Variants in C3orf20 observed in about 807,000 individuals in gnomAD.
The protein encoded by C3orf20 is uncharacterized protein C3orf20.
A neutral mutation model predicts 88.3 loss-of-function variants in C3orf20; 76 were observed. The observed-to-expected ratio is 0.86, with a 90% confidence interval of 0.72 to 1.04. C3orf20 has a LOEUF of 1.04. Ranked by LOEUF, C3orf20 falls within the 50% of genes least tolerant of loss-of-function variation. The probability of loss-of-function intolerance (pLI) is 0.00; values close to 1 mark genes in which losing one functional copy is unlikely to be tolerated. For synonymous variants in C3orf20, 436 were observed against 437.4 expected, an observed-to-expected ratio of 1.00 and a Z score of 0.04; for missense variants, 1,056 against 1,123.3, an observed-to-expected ratio of 0.94 and a Z score of 0.86.
intron 12 of C3orf20, among the ~76,000 whole-genome samples, chr3:14,752,583 A>G (rs927438095): frequency 6.6e-6 from 1 of 152,328 alleles, no homozygotes; most frequent in African/African-American, 2.4e-5. Context: ...TTTGCAATCT[A>G]TCCATCTGAC....
intron 8 of C3orf20, 61 bp from the exon 9 acceptor site, chr3:14,715,228 C>A (rs750071362): frequency 1.3e-6 from 2 of 1,581,088 alleles, no homozygotes; most frequent in Non-Finnish European, 1.7e-6. Flanking sequence ...CCATAACCTG[C>A]GGTGATGAGA....
At chr3:14,713,756 G>C (rs12631431) in intron 7 of C3orf20, among the ~76,000 whole-genome samples, 13,536 of 152,266 alleles carry the variant, frequency 0.089, 708 homozygotes, top group Middle Eastern at 0.19. Context: ...CTACTCATCT[G>C]TGAGAGGAAG....
At chr3:14,676,524 T>C (rs2031780582) in intron 1 of C3orf20, among the ~76,000 whole-genome samples, 2 of 152,234 alleles carry the variant, frequency 1.3e-5, no homozygotes, top group Admixed American at 1.3e-4. Context: ...CAGCTTAATG[T>C]ACATCATTAT....
intron 4 of C3orf20, among the ~76,000 whole-genome samples, chr3:14,685,723 T>C (rs571024606): frequency 9.9e-5 from 15 of 152,210 alleles, no homozygotes; most frequent in African/African-American, 3.1e-4. Context: ...CTTCTATGAG[T>C]TTGAGTTTGA....
chr3:14,740,609 A>G (rs2034872518), intron 12 of C3orf20, among the ~76,000 whole-genome samples: 2 of 152,236 alleles, frequency 1.3e-5, no homozygotes, highest in Non-Finnish European at 2.9e-5. Flanking sequence ...AAAAAAACAC[A>G]GTATCTGCAA....
At chr3:14,720,223 G>T (rs13327087) in intron 9 of C3orf20, among the ~76,000 whole-genome samples, 23,972 of 151,974 alleles carry the variant, frequency 0.16, 2,153 homozygotes, top group Non-Finnish European at 0.2. Context: ...GTAGAGACGG[G>T]GTTTCACCGT....
intron 12 of C3orf20, among the ~76,000 whole-genome samples, chr3:14,756,823 T>C (rs1189912761): frequency 6.6e-6 from 1 of 152,214 alleles, no homozygotes; most frequent in Non-Finnish European, 1.5e-5. Context: ...GCTTTTATTC[T>C]GTAAAAGGTA....
chr3:14,676,418 G>A (rs936036323), intron 1 of C3orf20, among the ~76,000 whole-genome samples: 3 of 152,174 alleles, frequency 2.0e-5, no homozygotes, highest in South Asian at 2.1e-4. Context: ...TCCATGGAAT[G>A]TGTAATCAGT....
chr3:14,731,541 C>A (rs1216762220), intron 12 of C3orf20, among the ~76,000 whole-genome samples: 1 of 152,192 alleles, frequency 6.6e-6, no homozygotes, highest in Non-Finnish European at 1.5e-5. Context: ...AGAGGACACA[C>A]CTAGCATGCT....
At chr3:14,722,699 A>G (rs2034209177) in intron 10 of C3orf20, 1 of 414,530 alleles carries the variant, frequency 2.4e-6, no homozygotes, top group Admixed American at 2.7e-5. Flanking sequence ...CTGTTGTCCC[A>G]GGGCCCAGCA....
In C3orf20 at chr3:14,772,071, C is replaced by G. The variant is rs191471583; in HGVS notation, c.2500C>G (p.Pro834Ala). ...CCGACCCTGCCTCCCCTGCAGTGTTCCCAACTCTGTCCTGAGCCTGGAGGA... is the reference window on the plus strand; with the variant it reads ...CCGACCCTGCCTCCCCTGCAGTGTTGCCAACTCTGTCCTGAGCCTGGAGGA... Reference protein sequence around the residue: ...FLPDDYKFSVPNSVLSLEDSE... With the variant: ...FLPDDYKFSVANSVLSLEDSE... Residue 834 changes from proline (P) to alanine (A), a missense_variant, in exon 16 of 17, where the codon CCC (proline) becomes GCC (alanine). Pro to Ala is a conservative substitution (Grantham distance 27, BLOSUM62 -1). Transcript: ENST00000253697. The surrounding 1 kb of genome is among the most constrained non-coding windows in gnomAD (Gnocchi z 4.2). 8.1e-6 allele frequency: 13 copies of G among 1,614,184 alleles called. No homozygotes were observed. The highest frequency in any genetic ancestry group is 1.7e-4 in the Middle Eastern group (1 of 6,060).
At chr3:14,690,807 G>A (rs2032692098) in intron 5 of C3orf20, among the ~76,000 whole-genome samples, 1 of 152,238 alleles carries the variant, frequency 6.6e-6, no homozygotes, top group East Asian at 1.9e-4. Context: ...GTAGGTAGGA[G>A]AGGACCACGT....
intron 12 of C3orf20, among the ~76,000 whole-genome samples, chr3:14,740,507 G>A (rs1308999069): frequency 2.0e-5 from 3 of 152,276 alleles, no homozygotes; most frequent in Middle Eastern, 3.4e-3. Flanking sequence ...ATTACCAAAT[G>A]TGACACAGAG....
chr3:14,676,078 C>G (rs139493079), intron 1 of C3orf20, among the ~76,000 whole-genome samples: 29 of 151,616 alleles, frequency 1.9e-4, no homozygotes, highest in African/African-American at 6.5e-4. Flanking sequence ...TAAGCATTTT[C>G]TGTGGGGTGT....
At chr3:14,694,733 G>T (rs565722285) in intron 5 of C3orf20, among the ~76,000 whole-genome samples, 52 of 151,012 alleles carry the variant, frequency 3.4e-4, no homozygotes, top group African/African-American at 8.5e-4. Flanking sequence ...TTTGTGTTTG[G>T]TTTGCTCTTG....
At chr3:14,754,568 T>C (rs1471030916) in intron 12 of C3orf20, among the ~76,000 whole-genome samples, 4 of 152,202 alleles carry the variant, frequency 2.6e-5, no homozygotes, top group Admixed American at 2.6e-4. Flanking sequence ...AGTTTTTTCA[T>C]TAGATTCCAG....
At chr3:14,721,381 C>T (rs1244554428) in intron 9 of C3orf20, among the ~76,000 whole-genome samples, 2 of 152,228 alleles carry the variant, frequency 1.3e-5, no homozygotes, top group Non-Finnish European at 2.9e-5. Context: ...CTGCCAGACA[C>T]CTGTGACTCT....
At chr3:14,704,652 A>G (rs965592957) in intron 7 of C3orf20, 34 bp downstream of exon 7, 1 of 1,602,558 alleles carries the variant, frequency 6.2e-7, no homozygotes, top group Middle Eastern at 1.7e-4. Context: ...CTATCTCCCC[A>G]GCTACTCAAC....
Position 14,772,015 on chromosome 3 carries a change from T to C in C3orf20, c.2496-52T>C. The C allele has an allele frequency of 1.2e-6, 2 of 1,609,502 alleles. No individual in the cohort carries two copies. Among genetic ancestry groups the C allele is most frequent in the Non-Finnish European group, 1.7e-6 (2 of 1,176,882 alleles). On this transcript the variant is annotated intron_variant, in intron 15 of 16. Coordinates refer to ENST00000253697, the MANE Select transcript of C3orf20 (RefSeq NM_032137.5). This position sits in a 1 kb window ranked among gnomAD's most constrained non-coding sequence, Gnocchi z 4.2. ...CTCCCAGAACACTGATGGGACAGCG[T>C]GCAGTGCACCCTGGGCCCTGAGCAC...
Sources: allele counts gnomAD v4.1 joint callset (sites outside exome capture counted in the v4.1 genomes callset), GRCh38; gene constraint gnomAD v4.1.1; non-coding constraint Gnocchi (gnomAD v3.1); transcripts MANE v1.5; gene names NCBI Gene and HGNC (gene_info 2026-07-23, HGNC 2026-07-21).